The following KYAT3 variants were observed in gnomAD, a reference collection of about 807,000 sequenced individuals.
KYAT3 encodes the protein kynurenine--oxoglutarate transaminase 3.
KYAT3 carries 50 observed loss-of-function variants against 59.0 expected under a neutral mutation model. The observed-to-expected ratio is 0.85, with a 90% CI of 0.68 to 1.07. The LOEUF (loss-of-function observed/expected upper bound fraction) is 1.07, where lower values mean the gene tolerates loss of function less well. Among genes scored for constraint, KYAT3 ranks in the 50% least tolerant of loss-of-function variants. KYAT3 has a pLI of 0.00. For missense variants in KYAT3, 497 were observed against 533.3 expected (o/e 0.93, Z 0.67); for synonymous variants, 148 against 177.0 (o/e 0.84, Z 1.30).
intron 5 of KYAT3, among the ~76,000 whole-genome samples, chr1:88,964,352 G>A (rs912344030): frequency 6.6e-6 from 1 of 152,182 alleles, no homozygotes; most frequent in Non-Finnish European, 1.5e-5. Flanking sequence ...TTCCCTGGCA[G>A]TGTTAGTCCC....
At chr1:88,982,109 C>T (rs965457725) in intron 2 of KYAT3, 30 of 986,388 alleles carry the variant, frequency 3.0e-5, no homozygotes, top group Middle Eastern at 1.0e-3. Flanking sequence ...TATCCATTTG[C>T]TTTTTTTGGG....
At chr1:88,941,954 A>G (rs1274464928) in intron 13 of KYAT3, among the ~76,000 whole-genome samples, 1 of 152,200 alleles carries the variant, frequency 6.6e-6, no homozygotes, top group Non-Finnish European at 1.5e-5. Flanking sequence ...CTTTTTAGAC[A>G]TAAGTTGCTT....
At chr1:88,979,104 T>C (rs1676945876) in intron 2 of KYAT3, among the ~76,000 whole-genome samples, 1 of 152,192 alleles carries the variant, frequency 6.6e-6, no homozygotes, top group African/African-American at 2.4e-5. Context: ...ACAGTTTAGA[T>C]GAAAAGGGAG....
At chr1:88,969,615 T>C (rs1282185966) in intron 2 of KYAT3, 148 bp from the exon 3 acceptor site, 2 of 582,664 alleles carry the variant, frequency 3.4e-6, no homozygotes, top group Non-Finnish European at 6.2e-6. Flanking sequence ...CACAAAATTC[T>C]GAAGAGGAAT....
chr1:88,987,106 A>G (rs896759439), intron 2 of KYAT3, among the ~76,000 whole-genome samples: 1 of 152,262 alleles, frequency 6.6e-6, no homozygotes, highest in African/African-American at 2.4e-5. Context: ...CCTGGGACAT[A>G]CATCAGAATC....
chr1:88,992,815 TTGCGGGAACAAGGGGGCG>T (rs1677901465), upstream of KYAT3: 1 of 144,642 alleles, frequency 6.9e-6, no homozygotes. Context: ...AGTTCCGGGC[TTGCGGGAACAAGGGGGCG>T]GGGCGGGGGC....
At chr1:88,969,606 A>C in intron 2 of KYAT3, 139 bp from the exon 3 acceptor site, 1 of 580,426 alleles carries the variant, frequency 1.7e-6, no homozygotes, top group African/African-American at 1.9e-5. Flanking sequence ...AGACTCCAAC[A>C]CAAAATTCTG....
intron 4 of KYAT3, among the ~76,000 whole-genome samples, chr1:88,968,312 C>T (rs532468603): frequency 3.3e-5 from 5 of 152,160 alleles, no homozygotes; most frequent in South Asian, 2.1e-4. Context: ...GGAGGAAAAA[C>T]GTAGCTAGTT....
chr1:88,988,165 T>C (rs1677579226), intron 2 of KYAT3, 87 bp downstream of exon 2: 1 of 805,614 alleles, frequency 1.2e-6, no homozygotes, highest in East Asian at 2.6e-5. Flanking sequence ...CAATAAAGTA[T>C]TTGTAAAAAA....
At chr1:88,948,788 A>G (rs1225025840) in intron 11 of KYAT3, among the ~76,000 whole-genome samples, 2 of 152,242 alleles carry the variant, frequency 1.3e-5, no homozygotes, top group African/African-American at 2.4e-5. Context: ...AACACTGAGT[A>G]TATAATATTA....
chr1:88,964,785 A>G (rs778569321), intron 5 of KYAT3, 44 bp downstream of exon 5: 38 of 1,401,676 alleles, frequency 2.7e-5, no homozygotes, highest in Non-Finnish European at 3.7e-5. Flanking sequence ...GGGACAAATG[A>G]TAATTGATTA....
chr1:88,984,996 A>G (rs989046818), intron 2 of KYAT3, among the ~76,000 whole-genome samples: 3 of 152,240 alleles, frequency 2.0e-5, no homozygotes, highest in Non-Finnish European at 4.4e-5. Context: ...GTTCATTTTT[A>G]TATTTGTATG....
intron 12 of KYAT3, 119 bp downstream of exon 12, chr1:88,943,231 A>G: frequency 1.0e-6 from 1 of 987,504 alleles, no homozygotes. Flanking sequence ...TTTAAAAGCC[A>G]CAAGTGGAGT....
In KYAT3 at chr1:88,983,810, C is replaced by T. The variant is rs768543094; in HGVS notation, c.99+4442G>A. The T allele has an allele frequency of 1.9e-6, 3 of 1,613,862 alleles. No individual in the cohort carries two copies. In the South Asian group the frequency reaches 3.3e-5, roughly 18 times the overall value. On this transcript the variant is annotated intron_variant, in intron 2 of 13. Transcript: ENST00000260508. ...CCCACCAATGAAGAGCTTTCCTGGG[C>T]GATCTGCTTCAACCATTTTTTTTTT...
At chr1:88,956,973 T>C (rs1333841164) in intron 8 of KYAT3, among the ~76,000 whole-genome samples, 2 of 152,174 alleles carry the variant, frequency 1.3e-5, no homozygotes, top group African/African-American at 4.8e-5. Context: ...AGAGTGTTGG[T>C]ACACACAAAG....
At chr1:88,944,397 T>G (rs547817546) in intron 11 of KYAT3, among the ~76,000 whole-genome samples, 2 of 152,194 alleles carry the variant, frequency 1.3e-5, no homozygotes, top group South Asian at 4.1e-4. Context: ...TAATATCCTT[T>G]TACCTGATAT....
intron 10 of KYAT3, among the ~76,000 whole-genome samples, chr1:88,950,596 C>G (rs1039537774): frequency 6.6e-6 from 1 of 151,930 alleles, no homozygotes; most frequent in East Asian, 1.9e-4. Context: ...ATCCTAACTA[C>G]AGCATTATCC....
intron 2 of KYAT3, among the ~76,000 whole-genome samples, chr1:88,970,931 T>A (rs1676532866): frequency 6.6e-6 from 1 of 152,200 alleles, no homozygotes; most frequent in African/African-American, 2.4e-5. Flanking sequence ...TAGTGTCATA[T>A]TTTGTCTTTG....
chr1:88,926,730 T>C, the KYAT3 span, among the ~76,000 whole-genome samples: 1 of 152,114 alleles, frequency 6.6e-6, no homozygotes, highest in Non-Finnish European at 1.5e-5. Flanking sequence ...TAATAATTGG[T>C]CTCCTCAAAC....
Sources: allele counts gnomAD v4.1 joint callset (sites outside exome capture counted in the v4.1 genomes callset), GRCh38; gene constraint gnomAD v4.1.1; transcripts MANE v1.5; gene names NCBI Gene and HGNC (gene_info 2026-07-23, HGNC 2026-07-21).